The following FBRSL1 variants were observed in gnomAD, a reference collection of about 807,000 sequenced individuals.
FBRSL1 encodes fibrosin like 1, also known as fibrosin-1-like protein.
Under a neutral mutation model 89.6 loss-of-function variants are expected in FBRSL1, and 51 were observed. The ratio of observed to expected loss-of-function variants is 0.57; its 90% CI spans 0.45 to 0.72. FBRSL1 has a LOEUF of 0.72. FBRSL1 is among the 30% of genes least tolerant of loss of function. The pLI is 0.00. For missense variants in FBRSL1, 1,618 were observed against 1,451.8 expected, an observed-to-expected ratio of 1.11 and a Z score of -1.86; for synonymous variants, 779 against 681.1, an observed-to-expected ratio of 1.14 and a Z score of -2.24.
chr12:132,575,524 G>A (rs1327210164), intron 14 of FBRSL1, among the ~76,000 whole-genome samples: 4 of 152,252 alleles, frequency 2.6e-5, no homozygotes, highest in Admixed American at 2.6e-4. Flanking sequence ...ACTGTGCCCG[G>A]CCAGAATGCT....
At chr12:132,506,775 T>C (rs934765849) in intron 1 of FBRSL1, among the ~76,000 whole-genome samples, 1 of 152,232 alleles carries the variant, frequency 6.6e-6, no homozygotes, top group South Asian at 2.1e-4. Flanking sequence ...CTCGGGCTTG[T>C]GCAGGAGCAG....
intron 8 of FBRSL1, 93 bp from the exon 9 acceptor site, chr12:132,570,975 C>T: frequency 1.2e-6 from 1 of 856,750 alleles, no homozygotes; most frequent in Non-Finnish European, 1.4e-6. Flanking sequence ...TGGGGACGGC[C>T]CCGTGTCCCG....
rs181384177 is a variant in FBRSL1 at position 132,495,785 on chromosome 12, G to A, written c.291+4924G>A. On this transcript the variant is annotated intron_variant, in intron 1 of 18. Transcript: ENST00000680143. ...CAGCGTCGCTGGCCCCTCGGTCCAC[G>A]TGGGTGCCCGCCACCTGTCCAGGCC... is the stretch of plus-strand genomic sequence containing the variant. 4.1e-3 allele frequency among the ~76,000 whole-genome samples: 629 copies of A among 152,336 alleles called. 2 individuals carry two copies. The highest frequency in any genetic ancestry group is 0.014 in the African/African-American group (593 of 41,572).
chr12:132,534,890 A>G (rs534720743), intron 4 of FBRSL1, among the ~76,000 whole-genome samples: 2 of 152,338 alleles, frequency 1.3e-5, no homozygotes, highest in South Asian at 2.1e-4. Flanking sequence ...GAGGGGCCTC[A>G]TGAGTGCCGC....
In FBRSL1 at chr12:132,583,509, GC is replaced by G. The variant is rs893226416; in HGVS notation, c.2745del (p.Ala916ProfsTer45). 1.1e-5 allele frequency: 11 copies of G among 1,042,004 alleles called. No individual in the cohort carries two copies. The highest frequency in any genetic ancestry group is 9.2e-5 in the South Asian group (3 of 32,694). The allele number at this position is 1,042,004 out of a possible 1,614,324, so 64.5% of individuals were successfully genotyped here. A position where few individuals can be genotyped will look rare whatever the true frequency, so the allele number is the denominator to read the frequency against. ...GCGGGCCCCGCACCTGCCGCCCGCC[GC>G]CCCCGCCTTGGACGGCGCGCTGCTG... ...RARAPHLPPA[A>X]PALDGALLPS... On this transcript the variant is annotated frameshift_variant, in exon 19 of 19. Coordinates refer to ENST00000680143, the MANE Select transcript of FBRSL1 (RefSeq NM_001367871.1). LOFTEE classifies it high-confidence loss of function.
intron 5 of FBRSL1, among the ~76,000 whole-genome samples, chr12:132,557,831 G>A (rs942248720): frequency 1.3e-5 from 2 of 152,328 alleles, no homozygotes; most frequent in African/African-American, 4.8e-5. Context: ...CTGGGCAGCC[G>A]CTTCCCGTGC....
rs776803649 is a variant in FBRSL1, at chr12:132,582,086, C to A, written c.2021C>A (p.Pro674His). Reference sequence around the variant, plus strand: ...GCTCCCGGTGGCAGCATCTTTGCCCCCAAGGAGGGCTCCTCCGTGCACGGC... The same window carrying A: ...GCTCCCGGTGGCAGCATCTTTGCCCACAAGGAGGGCTCCTCCGTGCACGGC... ...ALAPGGSIFA[P>H]KEGSSVHGLP... Residue 674 changes from proline to histidine, a missense_variant, in exon 18 of 19, where the codon CCC becomes CAC. Physicochemically the swap from Pro to His is moderately conservative, Grantham distance 77. Coordinates refer to ENST00000680143, the MANE Select transcript of FBRSL1 (RefSeq NM_001367871.1). 9.0e-6 allele frequency: 14 copies of A among 1,548,608 alleles called. No individual in the cohort carries two copies. In the East Asian group the frequency reaches 2.7e-4, roughly 30 times the overall value.
chr12:132,512,820 C>A (rs1397730152), intron 2 of FBRSL1, among the ~76,000 whole-genome samples: 1 of 152,212 alleles, frequency 6.6e-6, no homozygotes, highest in Non-Finnish European at 1.5e-5. Flanking sequence ...AGCCTGGGTC[C>A]CTGTGGCCAA....
At chr12:132,563,372 C>T (rs1298129689) in intron 5 of FBRSL1, among the ~76,000 whole-genome samples, 12 of 126,858 alleles carry the variant, frequency 9.5e-5, no homozygotes, top group Non-Finnish European at 1.7e-4. Flanking sequence ...CCGTACCCCA[C>T]GCCTGGCCCC....
intron 3 of FBRSL1, 149 bp downstream of exon 3, chr12:132,525,972 G>C: frequency 3.1e-6 from 2 of 642,304 alleles, no homozygotes; most frequent in South Asian, 4.0e-5. Flanking sequence ...CCCCCTGCCC[G>C]CTGCACCCTG....
intron 2 of FBRSL1, chr12:132,511,261 G>C: frequency 1.0e-6 from 1 of 985,460 alleles, no homozygotes; most frequent in Non-Finnish European, 1.2e-6. Context: ...AGGGTCTCCA[G>C]GCGAGGGGGA....
chr12:132,572,211 G>A (rs935621176), intron 9 of FBRSL1, 77 bp from the exon 10 acceptor site: 37 of 1,375,966 alleles, frequency 2.7e-5, no homozygotes, highest in South Asian at 1.8e-4. Flanking sequence ...TGCCCAGCCC[G>A]GCCAGGTGGG....
chr12:132,513,718 GGGA>G (rs1321708620), intron 2 of FBRSL1, among the ~76,000 whole-genome samples: 7 of 152,184 alleles, frequency 4.6e-5, no homozygotes, highest in South Asian at 2.1e-4. Flanking sequence ...TTGTTGTTGG[GGGA>G]GGAGAAGGGG....
intron 1 of FBRSL1, among the ~76,000 whole-genome samples, chr12:132,503,386 AGTTTCTGTGGGTGC>A (rs1297329073): frequency 2.0e-5 from 3 of 152,244 alleles, no homozygotes; most frequent in Admixed American, 1.3e-4. Flanking sequence ...TTGCCGGGGC[AGTTTCTGTGGGTGC>A]GTGATGTGGG....
chr12:132,575,782 C>G (rs1345533093), intron 14 of FBRSL1, among the ~76,000 whole-genome samples: 1 of 152,280 alleles, frequency 6.6e-6, no homozygotes, highest in Non-Finnish European at 1.5e-5. Context: ...TGCCAGAGTA[C>G]CCCAGCATCA....
Position 132,546,956 on chromosome 12 carries a change from G to A in FBRSL1, c.616-1047G>A, listed in dbSNP as rs879388293. ...GCATTAACCCAGTGGGCTCCACATA[G>A]GAGGGCGCCGCCCACACATCCGGCT... On this transcript the variant is annotated intron_variant, in intron 4 of 18. Transcript: ENST00000680143. The surrounding 1 kb of genome is among the most constrained non-coding windows in gnomAD (Gnocchi z 4.0). 5.3e-5 allele frequency among the ~76,000 whole-genome samples: 8 copies of A among 152,244 alleles called. No individual in the cohort carries two copies. Among genetic ancestry groups the A allele is most frequent in the Non-Finnish European group, 1.2e-4 (8 of 68,042 alleles).
chr12:132,544,847 CGGTGATGAGGGTGAT>C (rs924495652), intron 4 of FBRSL1, among the ~76,000 whole-genome samples: 24 of 151,390 alleles, frequency 1.6e-4, no homozygotes, highest in Non-Finnish European at 2.8e-4. Context: ...ATGATGGTGA[CGGTGATGAGGGTGAT>C]GGTGATGAGG....
chr12:132,581,182 C>T, intron 15 of FBRSL1: 2 of 980,426 alleles, frequency 2.0e-6, no homozygotes, highest in Non-Finnish European at 2.4e-6. Flanking sequence ...GGTTGCATCG[C>T]ACTCAGCACC....
intron 5 of FBRSL1, chr12:132,551,936 G>T: frequency 3.4e-6 from 1 of 298,314 alleles, no homozygotes. Flanking sequence ...GCCACCTCCA[G>T]GGATGGCTGT....
Sources: gnomAD v4.1 joint callset for allele counts (sites outside exome capture counted in the v4.1 genomes callset) on GRCh38, gnomAD v4.1.1 for gene constraint, Gnocchi (gnomAD v3.1) non-coding constraint, MANE v1.5 for transcripts, NCBI Gene and HGNC (gene_info 2026-07-23, HGNC 2026-07-21) for gene names.